TRIM14: variants seen among roughly 807,000 people sequenced by gnomAD.
TRIM14 encodes tripartite motif containing 14.
A neutral mutation model predicts 44.5 loss-of-function variants in TRIM14; 28 were observed. That is an observed-to-expected ratio of 0.63 (90% CI 0.47 to 0.86). The LOEUF (loss-of-function observed/expected upper bound fraction) is 0.86, where lower values mean the gene tolerates loss of function less well. Ranked by LOEUF, TRIM14 falls within the 40% of genes least tolerant of loss-of-function variation. TRIM14 has a pLI of 0.00. For missense variants in TRIM14, 607 were observed against 611.1 expected, an observed-to-expected ratio of 0.99 and a Z score of 0.07; for synonymous variants, 299 against 269.2, an observed-to-expected ratio of 1.11 and a Z score of -1.08.
rs747928538 is a variant in TRIM14 at position 98,119,211 on chromosome 9, C to T, written c.-23G>A. On this transcript the variant is annotated 5_prime_UTR_variant, in exon 1 of 6. Coordinates refer to ENST00000341469, the MANE Select transcript of TRIM14 (RefSeq NM_014788.4). ...CATTCATCTCCACCTCCTCCGGCTC[C>T]CCGGGACACAGGGCGGGGCTCCCAA... 6.4e-7 allele frequency: 1 copy of T among 1,563,338 alleles called. No individual in the cohort carries two copies. The highest frequency in any genetic ancestry group is 8.6e-7 in the Non-Finnish European group (1 of 1,165,486).
At position 98,086,034 on chromosome 9, in the gene TRIM14, G is replaced by C. The variant is rs1825763150; in HGVS notation, c.*1436C>G. 6.6e-6 allele frequency: 1 copy of C among 152,210 alleles called. No homozygotes were observed. The highest frequency in any genetic ancestry group is 1.5e-5 in the Non-Finnish European group (1 of 68,076). 9.4% of individuals were successfully genotyped at this position (152,210 alleles called of 1,614,324 possible). ...GCTAGCGAAGGTGGCCTCCTGTGAGGGCCTACTGTTTTCTACCTCTGTCAC... is the reference window on the plus strand; with the variant it reads ...GCTAGCGAAGGTGGCCTCCTGTGAGCGCCTACTGTTTTCTACCTCTGTCAC... On this transcript the variant is annotated 3_prime_UTR_variant, in exon 6 of 6. Transcript: ENST00000341469.
At position 98,094,905 on chromosome 9, in the gene TRIM14, C is replaced by T. The variant is rs1357888041; in HGVS notation, c.662G>A (p.Ser221Asn). Residue 221 changes from serine (S) to asparagine (N), a missense_variant, in exon 4 of 6, where the codon AGT (serine) becomes AAT (asparagine). Coordinates refer to ENST00000341469, the MANE Select transcript of TRIM14 (RefSeq NM_014788.4). ...FFKGLVEAVE[S>N]TLQTPLDIRL... ...AATGTCCAATGGCGTCTGTAATGTA[C>T]TCTCCACGGCTTCCACGAGGCCCTT... 6.2e-7 allele frequency: 1 copy of T among 1,614,230 alleles called. No homozygotes were observed. Among genetic ancestry groups the T allele is most frequent in the Non-Finnish European group, 8.5e-7 (1 of 1,180,028 alleles).
chr9:98,072,573 G>A (rs1829389738), intron 6 of TRIM14, among the ~76,000 whole-genome samples: 1 of 152,068 alleles, frequency 6.6e-6, no homozygotes, highest in Non-Finnish European at 1.5e-5. Flanking sequence ...ACCATGCCCA[G>A]CTAATTTTTG....
chr9:98,042,209 C>T, the TRIM14 span, among the ~76,000 whole-genome samples: 1 of 147,534 alleles, frequency 6.8e-6, no homozygotes, highest in African/African-American at 2.5e-5. Flanking sequence ...AGGAGAATGG[C>T]GTGAACCCAG....
chr9:98,092,222 C>T (rs922903153), intron 4 of TRIM14, among the ~76,000 whole-genome samples: 3 of 152,160 alleles, frequency 2.0e-5, no homozygotes, highest in Admixed American at 6.5e-5. Flanking sequence ...CGAACAACTA[C>T]TGGATCCAAC....
chr9:98,087,969 T>G lies in TRIM14; in HGVS notation c.830A>C (p.His277Pro), dbSNP rs1825854911. Residue 277 changes from histidine to proline, a missense_variant, in exon 6 of 6, where the codon CAC (histidine) becomes CCC (proline). His to Pro is a moderately conservative substitution (Grantham distance 77). Around this residue, in one of 3 missense-constraint regions of TRIM14, gnomAD observed 356 missense variants for 323.0 expected, o/e 1.10. Transcript: ENST00000341469. ...RTPTLDPDTM[H>P]ARLRLSADRL... ...ATCGGCGGACAGGCGCAGGCGCGCG[T>G]GCATCGTGTCAGGATCCAGCGTGGG... 5 of 1,560,920 alleles carry G rather than the reference T, an allele frequency of 3.2e-6. No homozygotes were observed. Among genetic ancestry groups the G allele is most frequent in the Non-Finnish European group, 4.3e-6 (5 of 1,164,606 alleles).
At chr9:98,071,348 T>C (rs372254975) in intron 6 of TRIM14, among the ~76,000 whole-genome samples, 297 of 152,368 alleles carry the variant, frequency 1.9e-3, no homozygotes, top group African/African-American at 6.9e-3. Context: ...GCCAAGTGAA[T>C]GGACTCTAGG....
the TRIM14 span, among the ~76,000 whole-genome samples, chr9:98,054,943 C>T: frequency 1.3e-5 from 2 of 152,222 alleles, no homozygotes; most frequent in African/African-American, 4.8e-5. Flanking sequence ...GCAGAGCCAG[C>T]TGTGCAGTCT....
the TRIM14 span, among the ~76,000 whole-genome samples, chr9:98,044,362 CTT>C: frequency 9.7e-5 from 14 of 144,698 alleles, no homozygotes; most frequent in Non-Finnish European, 2.1e-4. Flanking sequence ...GCAAAATGCC[CTT>C]TCTCTTTTTT....
At chr9:98,044,739 C>T in the TRIM14 span, among the ~76,000 whole-genome samples, 2 of 152,088 alleles carry the variant, frequency 1.3e-5, no homozygotes, top group Admixed American at 1.3e-4. Context: ...AACAACAGTT[C>T]AGTTCCTCAC....
intron 1 of TRIM14, among the ~76,000 whole-genome samples, chr9:98,114,465 C>G (rs1340099225): frequency 6.6e-6 from 1 of 152,130 alleles, no homozygotes; most frequent in Admixed American, 6.6e-5. Flanking sequence ...TCCCAAGTAG[C>G]TGGGACTACA....
intron 5 of TRIM14, among the ~76,000 whole-genome samples, chr9:98,090,759 T>C (rs1335694640): frequency 1.3e-5 from 2 of 152,158 alleles, no homozygotes; most frequent in Non-Finnish European, 2.9e-5. Flanking sequence ...AGACAGGGTT[T>C]CACCATGTTG....
chr9:98,113,726 T>C (rs1287297886), intron 1 of TRIM14, among the ~76,000 whole-genome samples: 10 of 152,238 alleles, frequency 6.6e-5, no homozygotes, highest in Admixed American at 5.9e-4. Context: ...GTAAAAGATG[T>C]ATTTACTTTT....
At position 98,095,752 on chromosome 9, in the gene TRIM14, T is replaced by C. The variant is rs775835743; in HGVS notation, c.538-723A>G. ...TTGGAAATGACGGTGAAGGTAGTGA[T>C]GGTGGCATGTGGCACTGAGGGACAG... is the stretch of plus-strand genomic sequence containing the variant. On this transcript the variant is annotated intron_variant, in intron 3 of 5. Transcript: ENST00000341469. This position sits in a 1 kb window ranked among gnomAD's most constrained non-coding sequence, Gnocchi z 4.1. Among the ~76,000 whole-genome samples, 28 of 152,156 alleles carry C rather than the reference T, an allele frequency of 1.8e-4. No homozygotes were observed. Among genetic ancestry groups the C allele is most frequent in the Non-Finnish European group, 3.7e-4 (25 of 68,018 alleles).
chr9:98,099,824 A>G (rs933196654), intron 3 of TRIM14, 107 bp downstream of exon 3: 2 of 930,720 alleles, frequency 2.1e-6, no homozygotes, highest in Non-Finnish European at 1.7e-6. Flanking sequence ...ACAAGACAAT[A>G]GTCCATGTAC....
chr9:98,104,654 C>T (rs1826536531), intron 2 of TRIM14, among the ~76,000 whole-genome samples: 1 of 152,142 alleles, frequency 6.6e-6, no homozygotes, highest in Non-Finnish European at 1.5e-5. Context: ...CTGAACTGGG[C>T]TGGGCTTTGA....
At chr9:98,052,993 C>CCAAA in the TRIM14 span, among the ~76,000 whole-genome samples, 8 of 152,054 alleles carry the variant, frequency 5.3e-5, no homozygotes, top group African/African-American at 1.9e-4. Context: ...TAGAGTCTCC[C>CCAAA]CAAAGGTAGT....
At chr9:98,116,381 C>T (rs547386918) in intron 1 of TRIM14, among the ~76,000 whole-genome samples, 7 of 152,098 alleles carry the variant, frequency 4.6e-5, no homozygotes, top group African/African-American at 1.7e-4. Flanking sequence ...ACAAGGTTCC[C>T]GACCTTGTGG....
At chr9:98,079,236 C>G (rs369434861) in intron 6 of TRIM14, among the ~76,000 whole-genome samples, 1 of 152,306 alleles carries the variant, frequency 6.6e-6, no homozygotes, top group Middle Eastern at 3.4e-3. Flanking sequence ...TACTGTCTCA[C>G]GCCATCTCTC....
Sources: allele counts gnomAD v4.1 joint callset (sites outside exome capture counted in the v4.1 genomes callset), GRCh38; gene constraint gnomAD v4.1.1; regional missense constraint gnomAD v4.1.1; non-coding constraint Gnocchi (gnomAD v3.1); transcripts MANE v1.5; gene names NCBI Gene and HGNC (gene_info 2026-07-23, HGNC 2026-07-21).